The following QKI variants were observed in gnomAD, a reference collection of about 807,000 sequenced individuals.
QKI encodes the protein QKI, KH domain containing RNA binding, also known as KH domain-containing RNA-binding protein QKI.
In QKI, 10 loss-of-function variants were observed where a neutral mutation model predicts 39.0. The ratio of observed to expected loss-of-function variants is 0.26; its 90% CI spans 0.16 to 0.43. QKI has a LOEUF of 0.43. Among genes scored for constraint, QKI ranks in the 20% least tolerant of loss-of-function variants. QKI has a pLI of 1.00. For missense variants in QKI, 218 were observed against 428.0 expected (o/e 0.51, Z 4.33); for synonymous variants, 204 against 155.4 (o/e 1.31, Z -2.33).
chr6:163,516,219 CT>C (rs1282499931), intron 3 of QKI, among the ~76,000 whole-genome samples: 1 of 152,178 alleles, frequency 6.6e-6, no homozygotes, highest in Non-Finnish European at 1.5e-5. Context: ...CATTGTACCC[CT>C]CAGTGTCTAC....
intron 3 of QKI, among the ~76,000 whole-genome samples, chr6:163,494,365 G>C (rs905185904): frequency 6.6e-6 from 1 of 152,188 alleles, no homozygotes; most frequent in Non-Finnish European, 1.5e-5. Flanking sequence ...GGGATACTAA[G>C]GGACAACTGT....
intron 3 of QKI, among the ~76,000 whole-genome samples, chr6:163,526,316 T>C (rs1454245395): frequency 6.6e-6 from 1 of 152,192 alleles, no homozygotes; most frequent in African/African-American, 2.4e-5. Flanking sequence ...AAATATTCAA[T>C]TGAGTATTTT....
intron 3 of QKI, among the ~76,000 whole-genome samples, chr6:163,480,943 G>GT (rs758243940): frequency 4.6e-5 from 7 of 152,152 alleles, no homozygotes; most frequent in Non-Finnish European, 7.4e-5. Flanking sequence ...GAATTCTGCA[G>GT]TAATGGCCCC....
At position 163,455,229 on chromosome 6, in the gene QKI, G is replaced by A. The variant is rs1195433925; in HGVS notation, c.143-50G>A. ...GCCCTCTCTTTTTTCCTCTGGACTA[G>A]CAAGAATATTTTTTTTGTCTAACAC... On this transcript the variant is annotated intron_variant, in intron 1 of 7. Coordinates refer to ENST00000361752, the MANE Select transcript of QKI (RefSeq NM_006775.3). 4.0e-6 allele frequency: 6 copies of A among 1,516,660 alleles called. No homozygotes were observed. The African/African-American group carries it at 4.2e-5, about 11-fold the overall frequency. The allele number at this position is 1,516,660 out of a possible 1,614,324, so 94.0% of individuals were successfully genotyped here.
intron 3 of QKI, among the ~76,000 whole-genome samples, chr6:163,509,488 G>T (rs1393466805): frequency 6.7e-6 from 1 of 148,608 alleles, no homozygotes; most frequent in East Asian, 2.0e-4. Flanking sequence ...AGGGGGGGGG[G>T]AATAGTATTG....
At position 163,509,146 on chromosome 6, in the gene QKI, AGTCAATCAG is replaced by A. The variant is rs1372863722; in HGVS notation, c.403-25835_403-25827del. On this transcript the variant is annotated intron_variant, in intron 3 of 7. Coordinates refer to ENST00000361752, the MANE Select transcript of QKI (RefSeq NM_006775.3). ...GAGTGAGACTCCGTCTCAGTCAGTC[AGTCAATCAG>A]TCAGTCAATCAATCAATGGTAAAAG... Among the ~76,000 whole-genome samples the A allele has an allele frequency of 7.9e-3, 1,197 of 152,180 alleles. 15 individuals carry two copies. The highest frequency in any genetic ancestry group is 0.027 in the African/African-American group (1,123 of 41,540).
intron 1 of QKI, chr6:163,415,911 G>C (rs1438331016): frequency 1.9e-6 from 1 of 513,770 alleles, no homozygotes; most frequent in South Asian, 1.4e-5. Flanking sequence ...TGTGGGGCTC[G>C]TTAGTTTAAA....
intron 2 of QKI, among the ~76,000 whole-genome samples, chr6:163,470,249 C>A (rs1792084358): frequency 6.6e-6 from 1 of 152,006 alleles, no homozygotes; most frequent in South Asian, 2.1e-4. Context: ...TGTGAACCTC[C>A]CTTGCCATGC....
chr6:163,492,058 A>C (rs929286552), intron 3 of QKI, among the ~76,000 whole-genome samples: 3 of 152,198 alleles, frequency 2.0e-5, no homozygotes, highest in African/African-American at 7.2e-5. Context: ...GTTGTGTCTT[A>C]TGTAACATTT....
Position 163,570,836 on chromosome 6 carries a change from C to A in QKI, c.*126C>A, listed in dbSNP as rs1783663814. On this transcript the variant is annotated 3_prime_UTR_variant, in exon 8 of 8. Coordinates refer to ENST00000361752, the MANE Select transcript of QKI (RefSeq NM_006775.3). ...AGTGCAGCGAGCTGAGGCACTTGTC[C>A]GTTCGTCTTACCATCTAACCAAACA... 16 of 1,271,374 alleles carry A rather than the reference C, an allele frequency of 1.3e-5. No individual in the cohort carries two copies. Among genetic ancestry groups the A allele is most frequent in the Non-Finnish European group, 1.7e-5 (16 of 930,818 alleles). The allele number at this position is 1,271,374 out of a possible 1,614,324, so 78.8% of individuals were successfully genotyped here.
At chr6:163,417,993 A>G (rs976065867) in intron 1 of QKI, among the ~76,000 whole-genome samples, 1 of 151,742 alleles carries the variant, frequency 6.6e-6, no homozygotes, top group Non-Finnish European at 1.5e-5. Flanking sequence ...TTTTTTCTGG[A>G]TGATTTAATT....
chr6:163,509,010 G>A (rs755290337), intron 3 of QKI, among the ~76,000 whole-genome samples: 1 of 152,126 alleles, frequency 6.6e-6, no homozygotes, highest in Middle Eastern at 3.4e-3. Flanking sequence ...GTGGTGGCAG[G>A]TGGCTGTAAT....
chr6:163,534,009 A>C (rs1781039852), intron 3 of QKI, among the ~76,000 whole-genome samples: 1 of 152,228 alleles, frequency 6.6e-6, no homozygotes, highest in African/African-American at 2.4e-5. Context: ...ATAAAGGTCC[A>C]AAAACAGCAG....
At chr6:163,417,233 A>G (rs1056173915) in intron 1 of QKI, among the ~76,000 whole-genome samples, 9 of 152,140 alleles carry the variant, frequency 5.9e-5, no homozygotes, top group African/African-American at 2.2e-4. Context: ...TAGTAGTATT[A>G]GTAACAATTT....
chr6:163,459,692 A>G (rs1301126594), intron 2 of QKI, among the ~76,000 whole-genome samples: 1 of 152,170 alleles, frequency 6.6e-6, no homozygotes, highest in Non-Finnish European at 1.5e-5. Context: ...AAGGTAACAA[A>G]TGTGTGACAT....
At chr6:163,451,461 A>G (rs1790554478) in intron 1 of QKI, among the ~76,000 whole-genome samples, 1 of 152,198 alleles carries the variant, frequency 6.6e-6, no homozygotes, top group African/African-American at 2.4e-5. Context: ...ACACTTAGAT[A>G]TTTTAGAATT....
chr6:163,442,589 G>A (rs1789841127), intron 1 of QKI, among the ~76,000 whole-genome samples: 1 of 152,212 alleles, frequency 6.6e-6, no homozygotes, highest in Non-Finnish European at 1.5e-5. Context: ...GCTTGTGATG[G>A]TGAAGTGAAA....
At chr6:163,514,373 A>G (rs1399481710) in intron 3 of QKI, among the ~76,000 whole-genome samples, 1 of 152,148 alleles carries the variant, frequency 6.6e-6, no homozygotes, top group Non-Finnish European at 1.5e-5. Context: ...ATAATAATTT[A>G]TTTATCTTAA....
intron 3 of QKI, among the ~76,000 whole-genome samples, chr6:163,501,360 T>G (rs1778753145): frequency 6.6e-6 from 1 of 152,062 alleles, no homozygotes; most frequent in Non-Finnish European, 1.5e-5. Context: ...TGCTTGTACA[T>G]ACAAGAGAAG....
Sources: allele counts gnomAD v4.1 joint callset (sites outside exome capture counted in the v4.1 genomes callset), GRCh38; gene constraint gnomAD v4.1.1; transcripts MANE v1.5; gene names NCBI Gene and HGNC (gene_info 2026-07-23, HGNC 2026-07-21).